The following METTL15 variants were observed in gnomAD, a reference collection of about 807,000 sequenced individuals.
METTL15 encodes 12S rRNA N(4)-cytidine methyltransferase METTL15.
In METTL15, 34 loss-of-function variants were observed where a neutral mutation model predicts 38.3. That is an observed-to-expected ratio of 0.89 (90% CI 0.68 to 1.18). The LOEUF (loss-of-function observed/expected upper bound fraction) is 1.18. METTL15 is among the 50% of genes most tolerant of loss of function. The pLI, the probability that METTL15 is intolerant of heterozygous loss-of-function variation, is 0.00. For missense variants in METTL15, 438 were observed against 498.4 expected (o/e 0.88, Z 1.15); for synonymous variants, 162 against 170.9 (o/e 0.95, Z 0.41).
chr11:28,443,045 C>A (rs867879253), intron 6 of METTL15, among the ~76,000 whole-genome samples: 3 of 152,036 alleles, frequency 2.0e-5, no homozygotes, highest in Middle Eastern at 3.2e-3. Flanking sequence ...ACTGTGTTAC[C>A]CATACACTAG....
At chr11:28,233,320 G>A (rs1050096919) in intron 4 of METTL15, among the ~76,000 whole-genome samples, 1 of 151,982 alleles carries the variant, frequency 6.6e-6, no homozygotes, top group Non-Finnish European at 1.5e-5. Flanking sequence ...AAGTAATCAG[G>A]ATAGTTATAA....
chr11:28,379,963 C>A (rs1398574438), intron 5 of METTL15, among the ~76,000 whole-genome samples: 1 of 152,044 alleles, frequency 6.6e-6, no homozygotes, highest in African/African-American at 2.4e-5. Context: ...ATATAGCAAT[C>A]TTTGTCTCTT....
chr11:28,516,994 T>G (rs1371661788), intron 6 of METTL15: 1 of 152,252 alleles, frequency 6.6e-6, no homozygotes, highest in East Asian at 1.9e-4. Context: ...GCGATCCAGT[T>G]AGACCATGTT....
intron 4 of METTL15, among the ~76,000 whole-genome samples, chr11:28,276,283 C>T (rs1189103038): frequency 6.6e-6 from 1 of 152,040 alleles, no homozygotes; most frequent in Non-Finnish European, 1.5e-5. Context: ...AAGTCAGTAA[C>T]ACTTTTATAC....
chr11:28,362,457 C>T (rs763177332), intron 5 of METTL15, among the ~76,000 whole-genome samples: 2 of 152,180 alleles, frequency 1.3e-5, no homozygotes, highest in East Asian at 1.9e-4. Context: ...TAGTACCCAA[C>T]AGGTGGTTCT....
intron 5 of METTL15, among the ~76,000 whole-genome samples, chr11:28,387,509 C>T (rs1463973043): frequency 6.6e-6 from 1 of 151,826 alleles, no homozygotes; most frequent in Non-Finnish European, 1.5e-5. Flanking sequence ...AATAAAAAGC[C>T]TGAACAGACC....
chr11:28,479,827 C>T (rs1564943126), intron 6 of METTL15, among the ~76,000 whole-genome samples: 1 of 152,156 alleles, frequency 6.6e-6, no homozygotes, highest in Non-Finnish European at 1.5e-5. Context: ...ATTTTACTAA[C>T]ATAAAGTATG....
intron 4 of METTL15, among the ~76,000 whole-genome samples, chr11:28,259,706 C>T (rs1468605127): frequency 6.6e-6 from 1 of 152,202 alleles, no homozygotes; most frequent in African/African-American, 2.4e-5. Context: ...TAGAAACACT[C>T]TCCATACCAC....
In METTL15 at chr11:28,290,364, A is replaced by G; in HGVS notation, c.566A>G (p.Asp189Gly). 2 of 1,613,314 alleles carry G rather than the reference A, an allele frequency of 1.2e-6. No individual in the cohort carries two copies. Among genetic ancestry groups the G allele is most frequent in the Non-Finnish European group, 1.7e-6 (2 of 1,179,490 alleles). Residue 189 changes from aspartate to glycine, a missense_variant, in exon 5 of 7, where the codon GAT (aspartate) becomes GGT (glycine). Physicochemically the swap from Asp to Gly is moderately conservative, Grantham distance 94. Transcript: ENST00000407364. ...TPERGFSLRKDGPLDMRMDGG... is the reference protein window; with the variant it reads ...TPERGFSLRKGGPLDMRMDGG... Reference sequence around the variant, plus strand: ...GAAAGAGGTTTTTCCCTTCGGAAAGATGGCCCTTTGGACATGAGAATGGAT... The same window carrying G: ...GAAAGAGGTTTTTCCCTTCGGAAAGGTGGCCCTTTGGACATGAGAATGGAT...
chr11:28,457,830 C>T (rs966213116), intron 6 of METTL15, among the ~76,000 whole-genome samples: 2 of 152,208 alleles, frequency 1.3e-5, no homozygotes, highest in Non-Finnish European at 2.9e-5. Flanking sequence ...ATAACATAAT[C>T]TGATGACAAT....
At chr11:28,194,122 A>ATCGATCTTTCTTTCTT (rs1851800453) in intron 3 of METTL15, among the ~76,000 whole-genome samples, 1 of 99,078 alleles carries the variant, frequency 1.0e-5, no homozygotes, top group Non-Finnish European at 2.0e-5. Context: ...TTGATGGTTG[A>ATCGATCTTTCTTTCTT]TCTTTCTTTC....
chr11:28,158,343 G>A (rs1441940975), intron 3 of METTL15, among the ~76,000 whole-genome samples: 1 of 152,202 alleles, frequency 6.6e-6, no homozygotes, highest in Admixed American at 6.5e-5. Context: ...ATGCGCCTGT[G>A]AACAAAATGG....
chr11:28,458,335 G>A (rs185932519), intron 6 of METTL15, among the ~76,000 whole-genome samples: 228 of 152,172 alleles, frequency 1.5e-3, no homozygotes, highest in African/African-American at 5.4e-3. Flanking sequence ...CTAAATACTA[G>A]GGGGTTGTGA....
chr11:28,480,119 A>G (rs1851383065), intron 6 of METTL15, among the ~76,000 whole-genome samples: 1 of 152,250 alleles, frequency 6.6e-6, no homozygotes, highest in African/African-American at 2.4e-5. Flanking sequence ...AGAATACTGG[A>G]AGATTATTTC....
intron 3 of METTL15, among the ~76,000 whole-genome samples, chr11:28,159,447 GA>G (rs374984461): frequency 7.9e-4 from 110 of 139,300 alleles, no homozygotes; most frequent in African/African-American, 1.2e-3. Context: ...ACTCCACCAG[GA>G]AAAAAAAAAA....
intron 4 of METTL15, among the ~76,000 whole-genome samples, chr11:28,235,885 A>C (rs1042106984): frequency 1.3e-5 from 2 of 152,088 alleles, no homozygotes; most frequent in Admixed American, 1.3e-4. Flanking sequence ...GTCTTGTGCC[A>C]GTTTTCAAAG....
intron 3 of METTL15, among the ~76,000 whole-genome samples, chr11:28,187,972 A>G (rs567653607): frequency 6.6e-6 from 1 of 151,408 alleles, no homozygotes; most frequent in South Asian, 2.1e-4. Context: ...TTATTTAAAT[A>G]CGCAAGCATT....
At chr11:28,282,047 A>G (rs1205684585) in intron 4 of METTL15, among the ~76,000 whole-genome samples, 2 of 152,196 alleles carry the variant, frequency 1.3e-5, no homozygotes, top group African/African-American at 4.8e-5. Flanking sequence ...GTATTTCTTG[A>G]AGGGAAGGAA....
At chr11:28,310,965 GGTGTGTGTGTGTGTGT>G (rs772116266) in intron 6 of METTL15, among the ~76,000 whole-genome samples, 4 of 77,480 alleles carry the variant, frequency 5.2e-5, no homozygotes, top group African/African-American at 2.4e-4. Flanking sequence ...GGTGGTGGTG[GGTGTGTGTGTGTGTGT>G]GTGTGTGTGT....
Sources: gnomAD v4.1 joint callset for allele counts (sites outside exome capture counted in the v4.1 genomes callset) on GRCh38, gnomAD v4.1.1 for gene constraint, MANE v1.5 for transcripts, NCBI Gene and HGNC (gene_info 2026-07-23, HGNC 2026-07-21) for gene names.